KLHL1: variants seen among roughly 807,000 people sequenced by gnomAD.
KLHL1 encodes the protein kelch like family member 1.
In KLHL1, 47 loss-of-function variants were observed where a neutral mutation model predicts 77.7. The ratio of observed to expected loss-of-function variants is 0.60; its 90% CI spans 0.48 to 0.77. KLHL1 has a LOEUF of 0.77. Among genes scored for constraint, KLHL1 ranks in the 30% least tolerant of loss-of-function variants. KLHL1 has a pLI of 0.00. For missense variants in KLHL1, 925 were observed against 910.8 expected (o/e 1.02, Z -0.20); for synonymous variants, 360 against 325.2 (o/e 1.11, Z -1.15).
At chr13:69,998,556 T>C (rs1885212799) in intron 1 of KLHL1, among the ~76,000 whole-genome samples, 1 of 152,046 alleles carries the variant, frequency 6.6e-6, no homozygotes, top group Admixed American at 6.6e-5. Flanking sequence ...GGTCTAGAAG[T>C]AAATCACATG....
At chr13:69,809,621 T>C (rs1246194535) in intron 6 of KLHL1, among the ~76,000 whole-genome samples, 1 of 152,098 alleles carries the variant, frequency 6.6e-6, no homozygotes, top group African/African-American at 2.4e-5. Flanking sequence ...CCATAGACCC[T>C]ATAAAGCAAC....
intron 1 of KLHL1, among the ~76,000 whole-genome samples, chr13:69,996,532 T>A (rs1020487672): frequency 3.9e-5 from 6 of 152,218 alleles, no homozygotes; most frequent in Non-Finnish European, 7.4e-5. Context: ...TGTGAAGCTG[T>A]CAACTTCCCA....
chr13:70,065,058 G>A (rs1403668491), intron 1 of KLHL1, among the ~76,000 whole-genome samples: 1 of 152,078 alleles, frequency 6.6e-6, no homozygotes, highest in Non-Finnish European at 1.5e-5. Context: ...AAGTCGATAG[G>A]TCATAATCTT....
chr13:69,994,410 C>A (rs1885099171), intron 1 of KLHL1, among the ~76,000 whole-genome samples: 1 of 152,104 alleles, frequency 6.6e-6, no homozygotes. Flanking sequence ...CTAATCTCTT[C>A]AAAACCCTCA....
At chr13:69,951,400 C>A (rs1377461083) in intron 3 of KLHL1, among the ~76,000 whole-genome samples, 4 of 151,378 alleles carry the variant, frequency 2.6e-5, no homozygotes, top group Non-Finnish European at 5.9e-5. Context: ...CTTCTACTGG[C>A]CAGATTTTCG....
chr13:69,743,261 C>CAA (rs5804445), intron 7 of KLHL1, among the ~76,000 whole-genome samples: 59,387 of 151,790 alleles, frequency 0.39, 12,334 homozygotes, highest in African/African-American at 0.52. Flanking sequence ...ATTGCTATGA[C>CAA]ATTTATTCTG....
intron 1 of KLHL1, among the ~76,000 whole-genome samples, chr13:70,103,798 A>G (rs1887981052): frequency 6.6e-6 from 1 of 152,156 alleles, no homozygotes; most frequent in Admixed American, 6.5e-5. Flanking sequence ...ACAGAATAGG[A>G]ATTATAAGCT....
chr13:70,044,861 G>C (rs1466618810), intron 1 of KLHL1, among the ~76,000 whole-genome samples: 3 of 152,106 alleles, frequency 2.0e-5, no homozygotes, highest in African/African-American at 7.2e-5. Flanking sequence ...TTTTTCAATA[G>C]TCAGCACACC....
chr13:69,744,065 G>A (rs1252115106), intron 7 of KLHL1, among the ~76,000 whole-genome samples: 1 of 152,052 alleles, frequency 6.6e-6, no homozygotes, highest in African/African-American at 2.4e-5. Context: ...AAGTGTTGGA[G>A]TTATCAGCAA....
intron 6 of KLHL1, among the ~76,000 whole-genome samples, chr13:69,825,749 T>C (rs1033631750): frequency 4.6e-5 from 7 of 152,004 alleles, no homozygotes; most frequent in Non-Finnish European, 7.4e-5. Context: ...TCAACTAAGG[T>C]AGTAGAAATG....
chr13:69,706,416 T>C (rs1383686976), intron 10 of KLHL1, among the ~76,000 whole-genome samples: 1 of 151,872 alleles, frequency 6.6e-6, no homozygotes, highest in African/African-American at 2.4e-5. Flanking sequence ...CTAAAAAATA[T>C]TGTTGCTGAA....
At chr13:70,058,647 A>C (rs554435979) in intron 1 of KLHL1, among the ~76,000 whole-genome samples, 1 of 152,340 alleles carries the variant, frequency 6.6e-6, no homozygotes, top group South Asian at 2.1e-4. Context: ...TACACAAGCA[A>C]TCTTTAGATT....
chr13:69,997,511 A>G lies in KLHL1; in HGVS notation c.498-21709T>C, dbSNP rs2439673. Among the ~76,000 whole-genome samples, 1,500 of 151,368 alleles carry G rather than the reference A, an allele frequency of 9.9e-3. 24 individuals are homozygous for G. Among genetic ancestry groups the G allele is most frequent in the African/African-American group, 0.034 (1,413 of 41,396 alleles). On this transcript the variant is annotated intron_variant, in intron 1 of 10. Coordinates refer to ENST00000377844, the MANE Select transcript of KLHL1 (RefSeq NM_020866.3). ...GAAACCACCGCTTTCCTCTGTTTCT[A>G]TGAGTTTTACTGCTATAAATTCCAC...
chr13:69,978,133 T>A (rs999084738), intron 1 of KLHL1, among the ~76,000 whole-genome samples: 13 of 152,232 alleles, frequency 8.5e-5, no homozygotes, highest in African/African-American at 3.1e-4. Context: ...CAAGCACATA[T>A]AGCAAGAACA....
intron 3 of KLHL1, among the ~76,000 whole-genome samples, chr13:69,946,254 A>C (rs1883521403): frequency 1.3e-5 from 2 of 152,174 alleles, no homozygotes; most frequent in African/African-American, 4.8e-5. Context: ...TATATTCATT[A>C]CTTTGTGGTG....
At chr13:70,011,720 T>C (rs1324314692) in intron 1 of KLHL1, among the ~76,000 whole-genome samples, 1 of 152,158 alleles carries the variant, frequency 6.6e-6, no homozygotes, top group East Asian at 1.9e-4. Context: ...GTTAGGAAAA[T>C]AGAGTTCTTA....
In KLHL1 at chr13:69,896,045, T is replaced by C. The variant is rs1274846774; in HGVS notation, c.1015-13550A>G. On this transcript the variant is annotated intron_variant, in intron 4 of 10. Coordinates refer to ENST00000377844, the MANE Select transcript of KLHL1 (RefSeq NM_020866.3). ...TTTTCAAGCTCATTCACATTGCTGGTAGAATTTGCTTCTATGTGATTATAG... is the reference window on the plus strand; with the variant it reads ...TTTTCAAGCTCATTCACATTGCTGGCAGAATTTGCTTCTATGTGATTATAG... Among the ~76,000 whole-genome samples the C allele has an allele frequency of 2.6e-5, 4 of 152,198 alleles. No individual in the cohort carries two copies. In the East Asian group the frequency reaches 7.7e-4, roughly 29 times the overall value.
intron 4 of KLHL1, chr13:69,894,912 G>T: frequency 2.4e-6 from 1 of 417,096 alleles, no homozygotes; most frequent in South Asian, 2.1e-5. Flanking sequence ...CCTTGCGGTT[G>T]AGCAGAACCA....
intron 1 of KLHL1, among the ~76,000 whole-genome samples, chr13:70,034,618 C>T (rs910888932): frequency 2.0e-5 from 3 of 152,088 alleles, no homozygotes; most frequent in African/African-American, 7.2e-5. Context: ...ATTCTGAAAT[C>T]TTTTTTATCA....
Sources: gnomAD v4.1 joint callset for allele counts (sites outside exome capture counted in the v4.1 genomes callset) on GRCh38, gnomAD v4.1.1 for gene constraint, MANE v1.5 for transcripts, NCBI Gene and HGNC (gene_info 2026-07-23, HGNC 2026-07-21) for gene names.